Variants in CACNA2D1 observed in about 807,000 individuals in gnomAD.
CACNA2D1 encodes the protein voltage-dependent calcium channel subunit alpha-2/delta-1.
Under a neutral mutation model 171.5 loss-of-function variants are expected in CACNA2D1, and 53 were observed. That is an observed-to-expected ratio of 0.31 (90% CI 0.25 to 0.39). The LOEUF (loss-of-function observed/expected upper bound fraction) is 0.39. CACNA2D1 is among the 10% of genes least tolerant of loss of function. CACNA2D1 has a pLI of 1.00. For missense variants in CACNA2D1, 903 were observed against 1,299.8 expected, an observed-to-expected ratio of 0.69 and a Z score of 4.69; for synonymous variants, 442 against 443.1, an observed-to-expected ratio of 1.00 and a Z score of 0.03.
In CACNA2D1 at chr7:81,950,229, C is replaced by A; in HGVS notation, c.*163G>T. Reference sequence around the variant, plus strand: ...AGGATCTGACACCCTGACATGCAGCCAGTGGGTGCCTTAGGAGTCTGCGCC... The same window carrying A: ...AGGATCTGACACCCTGACATGCAGCAAGTGGGTGCCTTAGGAGTCTGCGCC... On this transcript the variant is annotated 3_prime_UTR_variant, in exon 39 of 39. Coordinates refer to ENST00000356860, the MANE Select transcript of CACNA2D1 (RefSeq NM_000722.4). 1 of 1,216,802 alleles carries A rather than the reference C, an allele frequency of 8.2e-7. No individual in the cohort carries two copies. Among genetic ancestry groups the A allele is most frequent in the Non-Finnish European group, 1.2e-6 (1 of 861,210 alleles). 75.4% of individuals were successfully genotyped at this position (1,216,802 alleles called of 1,614,324 possible). A position where few individuals can be genotyped will look rare whatever the true frequency, so the allele number is the denominator to read the frequency against.
At chr7:82,197,818 C>G (rs980748379) in intron 3 of CACNA2D1, among the ~76,000 whole-genome samples, 6 of 151,730 alleles carry the variant, frequency 4.0e-5, no homozygotes, top group African/African-American at 1.2e-4. Context: ...CAAACACACA[C>G]ACACACACTA....
At chr7:81,958,700 G>A (rs1235427559) in intron 38 of CACNA2D1, among the ~76,000 whole-genome samples, 1 of 151,742 alleles carries the variant, frequency 6.6e-6, no homozygotes, top group Non-Finnish European at 1.5e-5. Context: ...CAAACCCTAT[G>A]TAATTGACCT....
chr7:82,370,426 TAAG>T (rs1000692920), intron 1 of CACNA2D1, among the ~76,000 whole-genome samples: 2 of 151,856 alleles, frequency 1.3e-5, no homozygotes, highest in Non-Finnish European at 2.9e-5. Flanking sequence ...AAATTAGTGA[TAAG>T]AAACTCAGCC....
intron 24 of CACNA2D1, among the ~76,000 whole-genome samples, chr7:81,978,801 C>CATATAT (rs3083237): frequency 7.1e-6 from 1 of 141,596 alleles, no homozygotes; most frequent in African/African-American, 2.6e-5. Context: ...CAAAACAGCA[C>CATATAT]ATATATATAT....
At chr7:82,041,352 C>T (rs1048107954) in intron 10 of CACNA2D1, among the ~76,000 whole-genome samples, 1 of 152,044 alleles carries the variant, frequency 6.6e-6, no homozygotes, top group African/African-American at 2.4e-5. Context: ...GGAAAATGCA[C>T]ATCAACTTCA....
chr7:82,057,075 G>A lies in CACNA2D1; in HGVS notation c.879+3353C>T, dbSNP rs574501431. The stretch of plus-strand genomic sequence containing the variant: ...TTTGGGGATGTTGTCTTCAAAATGC[G>A]ATATGTATTTTGAACCATGGTGCTA... On this transcript the variant is annotated intron_variant, in intron 10 of 38. Transcript: ENST00000356860. Among the ~76,000 whole-genome samples the A allele has an allele frequency of 1.4e-4, 21 of 152,198 alleles. No homozygotes were observed. The South Asian group carries it at 2.7e-3, about 19-fold the overall frequency.
chr7:82,436,761 T>G lies in CACNA2D1; in HGVS notation c.95+6604A>C, dbSNP rs566106284. ...TCACCACAATGCCTGTTGCTCACTTTTTAAAAACAAGAGATTTTTGCAGTC... is the reference window on the plus strand; with the variant it reads ...TCACCACAATGCCTGTTGCTCACTTGTTAAAAACAAGAGATTTTTGCAGTC... On this transcript the variant is annotated intron_variant, in intron 1 of 38. Coordinates refer to ENST00000356860, the MANE Select transcript of CACNA2D1 (RefSeq NM_000722.4). Among the ~76,000 whole-genome samples the G allele has an allele frequency of 3.3e-5, 5 of 152,312 alleles. No individual in the cohort carries two copies. The East Asian group carries it at 9.6e-4, about 29-fold the overall frequency.
intron 5 of CACNA2D1, among the ~76,000 whole-genome samples, chr7:82,122,261 T>C (rs1789830417): frequency 6.6e-6 from 1 of 152,214 alleles, no homozygotes; most frequent in South Asian, 2.1e-4. Context: ...AATGCAATAC[T>C]GATCCCTGCA....
chr7:82,064,502 A>G, intron 8 of CACNA2D1, 148 bp from the exon 9 acceptor site: 1 of 568,660 alleles, frequency 1.8e-6, no homozygotes, highest in Non-Finnish European at 3.2e-6. Context: ...TTTTCCATTC[A>G]TATTCTTCAA....
At chr7:82,150,293 A>C (rs1237041995) in intron 4 of CACNA2D1, among the ~76,000 whole-genome samples, 7 of 136,628 alleles carry the variant, frequency 5.1e-5, no homozygotes, top group African/African-American at 8.2e-5. Flanking sequence ...AAAAAAAAAC[A>C]CCCTAGTAGC....
At chr7:82,189,130 T>A (rs118168782) in intron 3 of CACNA2D1, among the ~76,000 whole-genome samples, 6,170 of 152,054 alleles carry the variant, frequency 0.041, 138 homozygotes, top group Middle Eastern at 0.12. Flanking sequence ...ATGCAATTTA[T>A]CTGTATAACA....
intron 3 of CACNA2D1, among the ~76,000 whole-genome samples, chr7:82,229,304 C>T (rs1802663547): frequency 6.6e-6 from 1 of 152,098 alleles, no homozygotes; most frequent in Admixed American, 6.6e-5. Context: ...GAGCACCTCA[C>T]TTTCCTTGTT....
intron 5 of CACNA2D1, among the ~76,000 whole-genome samples, chr7:82,120,148 C>T (rs1789542657): frequency 6.6e-6 from 1 of 152,164 alleles, no homozygotes; most frequent in African/African-American, 2.4e-5. Flanking sequence ...TGCTACTCCA[C>T]TCTAGCCTGG....
chr7:82,147,873 T>C (rs555038176), intron 4 of CACNA2D1, among the ~76,000 whole-genome samples: 9 of 152,296 alleles, frequency 5.9e-5, no homozygotes, highest in African/African-American at 1.4e-4. Flanking sequence ...ATCGGGCTTA[T>C]AGGGATATGT....
At chr7:82,250,942 C>G (rs1805557832) in intron 3 of CACNA2D1, among the ~76,000 whole-genome samples, 1 of 152,030 alleles carries the variant, frequency 6.6e-6, no homozygotes, top group Non-Finnish European at 1.5e-5. Flanking sequence ...TAACCTTTTC[C>G]CATATATTTT....
At chr7:82,341,110 G>A (rs189667288) in intron 2 of CACNA2D1, among the ~76,000 whole-genome samples, 12 of 151,840 alleles carry the variant, frequency 7.9e-5, no homozygotes, top group Non-Finnish European at 2.9e-5. Flanking sequence ...TTGGGCTTTC[G>A]AACTACTTGT....
chr7:82,014,249 G>A (rs1451937121), intron 13 of CACNA2D1, 152 bp downstream of exon 13: 7 of 609,592 alleles, frequency 1.1e-5, no homozygotes, highest in Non-Finnish European at 2.0e-5. Context: ...ATTGGTATGT[G>A]TTTTCTCTAT....
At chr7:82,137,717 A>AAAAAAAAAAAAAC (rs1791820755) in intron 4 of CACNA2D1, among the ~76,000 whole-genome samples, 1 of 117,040 alleles carries the variant, frequency 8.5e-6, no homozygotes, top group Non-Finnish European at 1.7e-5. Flanking sequence ...TAAAAAAAAA[A>AAAAAAAAAAAAAC]AAAAAAAAAA....
At chr7:82,248,302 C>A (rs1228547076) in intron 3 of CACNA2D1, among the ~76,000 whole-genome samples, 1 of 151,994 alleles carries the variant, frequency 6.6e-6, no homozygotes, top group Non-Finnish European at 1.5e-5. Flanking sequence ...GGTTCTTTTC[C>A]CTAGGCCCTC....
Sources: allele counts gnomAD v4.1 joint callset (sites outside exome capture counted in the v4.1 genomes callset), GRCh38; gene constraint gnomAD v4.1.1; transcripts MANE v1.5; gene names NCBI Gene and HGNC (gene_info 2026-07-23, HGNC 2026-07-21).